The following DOK6 variants were observed in gnomAD, a reference collection of about 807,000 sequenced individuals.
The protein encoded by DOK6 is docking protein 6, also known as downstream of tyrosine kinase 6.
A neutral mutation model predicts 44.0 loss-of-function variants in DOK6; 22 were observed. That is an observed-to-expected ratio of 0.50 (90% CI 0.36 to 0.71). The LOEUF is 0.71. Among genes scored for constraint, DOK6 ranks in the 30% least tolerant of loss-of-function variants. The pLI, the probability that DOK6 is intolerant of heterozygous loss-of-function variation, is 0.00. For missense variants in DOK6, 340 were observed against 416.4 expected (o/e 0.82, Z 1.60); for synonymous variants, 166 against 145.5 (o/e 1.14, Z -1.01).
intron 7 of DOK6, among the ~76,000 whole-genome samples, chr18:69,837,650 C>G (rs990731664): frequency 2.0e-5 from 3 of 151,476 alleles, no homozygotes; most frequent in African/African-American, 7.3e-5. Context: ...ATCTGTCATA[C>G]TAGGTGTCTC....
intron 4 of DOK6, among the ~76,000 whole-genome samples, chr18:69,696,627 A>C (rs12957803): frequency 0.39 from 58,635 of 152,040 alleles, 11,639 homozygotes; most frequent in Middle Eastern, 0.48. Flanking sequence ...AGGAGCTGAA[A>C]TTTATCAAAA....
chr18:69,710,214 A>T (rs1264031167), intron 5 of DOK6, among the ~76,000 whole-genome samples: 1 of 152,252 alleles, frequency 6.6e-6, no homozygotes, highest in African/African-American at 2.4e-5. Flanking sequence ...TATTTTTAAT[A>T]ATTTTCATTA....
intron 2 of DOK6, among the ~76,000 whole-genome samples, chr18:69,586,366 G>T (rs935696470): frequency 1.3e-5 from 2 of 152,104 alleles, no homozygotes; most frequent in African/African-American, 2.4e-5. Context: ...TGGACCTACT[G>T]GCTGTCTTCT....
chr18:69,692,318 T>A lies in DOK6; in HGVS notation c.410-6086T>A, dbSNP rs569842610. Among the ~76,000 whole-genome samples the A allele has an allele frequency of 3.3e-5, 5 of 152,364 alleles. No homozygotes were observed. In the South Asian group the frequency reaches 1.0e-3, roughly 32 times the overall value. On this transcript the variant is annotated intron_variant, in intron 4 of 7. Coordinates refer to ENST00000382713, the MANE Select transcript of DOK6 (RefSeq NM_152721.6). ...TTATGGGCAATAGTGAATTAAACAC[T>A]AATCTCTGCCTGAGATACCGCCAGG... is the stretch of plus-strand genomic sequence containing the variant.
chr18:69,734,136 C>T (rs750470047), intron 5 of DOK6, among the ~76,000 whole-genome samples: 1 of 151,152 alleles, frequency 6.6e-6, no homozygotes, highest in Non-Finnish European at 1.5e-5. Context: ...GAGGAAGATA[C>T]ATGGATTCAA....
chr18:69,574,822 C>T (rs1983200974), intron 2 of DOK6, among the ~76,000 whole-genome samples: 1 of 151,976 alleles, frequency 6.6e-6, no homozygotes, highest in Non-Finnish European at 1.5e-5. Context: ...TTTGTGGTGT[C>T]ATAGCCAATG....
chr18:69,725,361 T>C (rs1978300938), intron 5 of DOK6, among the ~76,000 whole-genome samples: 3 of 152,242 alleles, frequency 2.0e-5, no homozygotes, highest in Non-Finnish European at 4.4e-5. Context: ...AGGCTTTCTG[T>C]AGCCCTTGGT....
chr18:69,679,919 CAGA>C (rs1464224381), intron 4 of DOK6, among the ~76,000 whole-genome samples: 16 of 151,934 alleles, frequency 1.1e-4, no homozygotes, highest in African/African-American at 3.1e-4. Context: ...ACATAAAAAG[CAGA>C]AGGTGACTTT....
chr18:69,754,283 G>A (rs1427989376), intron 6 of DOK6, among the ~76,000 whole-genome samples: 1 of 151,146 alleles, frequency 6.6e-6, no homozygotes, highest in African/African-American at 2.4e-5. Flanking sequence ...GAGCTTGGGA[G>A]GCGGAGATTG....
In DOK6 at chr18:69,720,367, T is replaced by G. The variant is rs865898660; in HGVS notation, c.600-18598T>G. Reference sequence around the variant, plus strand: ...CAGGGAATGTATGTTTTCATTTATGTTTGCATTCCCCTTTTGATCCTATAT... The same window carrying G: ...CAGGGAATGTATGTTTTCATTTATGGTTGCATTCCCCTTTTGATCCTATAT... On this transcript the variant is annotated intron_variant, in intron 5 of 7. Coordinates refer to ENST00000382713, the MANE Select transcript of DOK6 (RefSeq NM_152721.6). Among the ~76,000 whole-genome samples, 335 of 152,272 alleles carry G rather than the reference T, an allele frequency of 2.2e-3. 3 individuals are homozygous for G. The highest frequency in any genetic ancestry group is 7.7e-3 in the African/African-American group (320 of 41,546).
chr18:69,760,467 A>G (rs1257801384), intron 7 of DOK6, among the ~76,000 whole-genome samples: 1 of 152,142 alleles, frequency 6.6e-6, no homozygotes, highest in African/African-American at 2.4e-5. Context: ...GAAAGAAAAG[A>G]AGGAAAGTTC....
intron 7 of DOK6, chr18:69,777,751 C>CAAAAAAAAAAA (rs34769679): frequency 9.3e-6 from 1 of 107,232 alleles, no homozygotes; most frequent in Non-Finnish European, 1.8e-5. Flanking sequence ...CCTTCACTGA[C>CAAAAAAAAAAA]AAAAAAAAAA....
At chr18:69,563,451 C>T (rs36196763) in intron 1 of DOK6, among the ~76,000 whole-genome samples, 4 of 152,024 alleles carry the variant, frequency 2.6e-5, no homozygotes, top group African/African-American at 7.2e-5. Context: ...CACATATACA[C>T]CATGGAATAC....
chr18:69,499,151 A>G (rs970060997), intron 1 of DOK6, among the ~76,000 whole-genome samples: 2 of 152,160 alleles, frequency 1.3e-5, no homozygotes, highest in African/African-American at 2.4e-5. Flanking sequence ...TAATAAAAAT[A>G]GGATAAACAA....
intron 7 of DOK6, among the ~76,000 whole-genome samples, chr18:69,819,459 C>T (rs1370627666): frequency 2.0e-5 from 3 of 152,134 alleles, no homozygotes; most frequent in African/African-American, 7.2e-5. Flanking sequence ...CATTTTCATT[C>T]CAGCATGTAC....
intron 3 of DOK6, among the ~76,000 whole-genome samples, chr18:69,636,099 A>C (rs1043182720): frequency 3.9e-5 from 6 of 152,154 alleles, no homozygotes; most frequent in Non-Finnish European, 7.4e-5. Context: ...AGAGATTTGG[A>C]ATGAGTTCAT....
At chr18:69,751,721 A>G (rs1050614883) in intron 6 of DOK6, among the ~76,000 whole-genome samples, 1 of 152,090 alleles carries the variant, frequency 6.6e-6, no homozygotes, top group African/African-American at 2.4e-5. Context: ...ATTTGCACAA[A>G]TGGCCGGGTG....
At chr18:69,533,509 T>G (rs1166865354) in intron 1 of DOK6, among the ~76,000 whole-genome samples, 1 of 152,144 alleles carries the variant, frequency 6.6e-6, no homozygotes, top group East Asian at 1.9e-4. Context: ...TATGCAAATA[T>G]AAGTATTAAT....
At chr18:69,573,707 G>C (rs941197204) in intron 2 of DOK6, among the ~76,000 whole-genome samples, 2 of 151,628 alleles carry the variant, frequency 1.3e-5, no homozygotes, top group Non-Finnish European at 2.9e-5. Flanking sequence ...ATTACCTAAG[G>C]CTTGTTTCTT....
Sources: allele counts gnomAD v4.1 joint callset (sites outside exome capture counted in the v4.1 genomes callset), GRCh38; gene constraint gnomAD v4.1.1; transcripts MANE v1.5; gene names NCBI Gene and HGNC (gene_info 2026-07-23, HGNC 2026-07-21).